EYA1: variants seen among roughly 807,000 people sequenced by gnomAD.
EYA1 encodes the protein EYA transcriptional coactivator and phosphatase 1.
In EYA1, 16 loss-of-function variants were observed where a neutral mutation model predicts 82.0. That is an observed-to-expected ratio of 0.20 (90% CI 0.13 to 0.30). The LOEUF (loss-of-function observed/expected upper bound fraction) is 0.30, where lower values mean the gene tolerates loss of function less well. Among genes scored for constraint, EYA1 ranks in the 10% least tolerant of loss-of-function variants. The pLI, the probability that EYA1 is intolerant of heterozygous loss-of-function variation, is 1.00. For synonymous variants in EYA1, 261 were observed against 264.4 expected (o/e 0.99, Z 0.12); for missense variants, 633 against 730.7 (o/e 0.87, Z 1.54).
chr8:71,496,495 C>T (rs1244418461), intron 2 of EYA1, among the ~76,000 whole-genome samples: 1 of 152,164 alleles, frequency 6.6e-6, no homozygotes. Flanking sequence ...CGTTATAGCT[C>T]TGTGTTAAAT....
chr8:71,333,969 A>G, intron 4 of EYA1, 128 bp downstream of exon 4: 1 of 705,840 alleles, frequency 1.4e-6, no homozygotes, highest in Non-Finnish European at 2.6e-6. Context: ...ATGTATATAT[A>G]CATAAGTACG....
At chr8:71,222,153 C>T (rs191061635) in intron 12 of EYA1, among the ~76,000 whole-genome samples, 39 of 152,260 alleles carry the variant, frequency 2.6e-4, no homozygotes, top group African/African-American at 9.1e-4. Context: ...CTCATGCCCC[C>T]CAGTTGAATT....
intron 2 of EYA1, among the ~76,000 whole-genome samples, chr8:71,508,919 A>G (rs975383951): frequency 6.6e-6 from 1 of 152,190 alleles, no homozygotes; most frequent in Non-Finnish European, 1.5e-5. Context: ...TATTTTTATC[A>G]TAAAAATATA....
chr8:71,225,862 A>G (rs1810496848), intron 12 of EYA1, among the ~76,000 whole-genome samples: 1 of 152,238 alleles, frequency 6.6e-6, no homozygotes, highest in African/African-American at 2.4e-5. Flanking sequence ...TATCCTTTAG[A>G]GATTATCTAA....
At chr8:71,312,084 C>T (rs1319208607) in intron 7 of EYA1, among the ~76,000 whole-genome samples, 1 of 152,144 alleles carries the variant, frequency 6.6e-6, no homozygotes, top group African/African-American at 2.4e-5. Context: ...AAAGGCTGTG[C>T]AAGTGTCAAA....
Position 71,222,531 on chromosome 8 carries a change from C to T in EYA1, c.1141-5508G>A, listed in dbSNP as rs150289028. On this transcript the variant is annotated intron_variant, in intron 12 of 17. Transcript: ENST00000340726. Reference sequence around the variant, plus strand: ...CCACATCTTGGCACTTTGTATCCCTCGTAGAGGATATTCTTCCTTCCCCCA... The same window carrying T: ...CCACATCTTGGCACTTTGTATCCCTTGTAGAGGATATTCTTCCTTCCCCCA... Among the ~76,000 whole-genome samples the T allele has an allele frequency of 7.7e-3, 1,177 of 152,276 alleles. 17 individuals carry two copies. Among genetic ancestry groups the T allele is most frequent in the African/African-American group, 0.027 (1,120 of 41,544 alleles).
chr8:71,216,317 G>T (rs1809187226), intron 14 of EYA1, among the ~76,000 whole-genome samples: 1 of 152,080 alleles, frequency 6.6e-6, no homozygotes, highest in Non-Finnish European at 1.5e-5. Flanking sequence ...AAAGTCAAAA[G>T]ATTCAAACTA....
intron 2 of EYA1, among the ~76,000 whole-genome samples, chr8:71,397,288 A>T (rs183129394): frequency 0.017 from 2,631 of 152,234 alleles, 68 homozygotes; most frequent in African/African-American, 0.059. Context: ...GCCTATTTAC[A>T]TTTAAGGTTA....
At chr8:71,369,859 C>CT (rs1827981281) in intron 2 of EYA1, among the ~76,000 whole-genome samples, 1 of 152,020 alleles carries the variant, frequency 6.6e-6, no homozygotes, top group South Asian at 2.1e-4. Flanking sequence ...TAAAGCTGGA[C>CT]TGGCTAGGGC....
intron 2 of EYA1, among the ~76,000 whole-genome samples, chr8:71,451,759 C>G (rs1419780949): frequency 6.6e-6 from 1 of 152,146 alleles, no homozygotes; most frequent in African/African-American, 2.4e-5. Flanking sequence ...CACAAGAGAT[C>G]ATTTCATCAA....
rs759981657 is a variant in EYA1, at chr8:71,244,592, T to G, written c.1140+11A>C. 13 of 1,433,542 alleles carry G rather than the reference T, an allele frequency of 9.1e-6. No individual in the cohort carries two copies. The highest frequency in any genetic ancestry group is 1.3e-5 in the Non-Finnish European group (13 of 1,023,244). The allele number at this position is 1,433,542 out of a possible 1,614,324, so 88.8% of individuals were successfully genotyped here. ...GACATGCAAAAATATGTATTAAAAATTAGAACTTACTTCTAAGTCATTAAA... is the reference window on the plus strand; with the variant it reads ...GACATGCAAAAATATGTATTAAAAAGTAGAACTTACTTCTAAGTCATTAAA... On this transcript the variant is annotated intron_variant, in intron 12 of 17. Transcript: ENST00000340726.
intron 9 of EYA1, among the ~76,000 whole-genome samples, chr8:71,279,567 A>G (rs938938649): frequency 6.6e-6 from 1 of 152,228 alleles, no homozygotes. Flanking sequence ...ATTTTTGGTT[A>G]TGATTTTGAA....
At chr8:71,225,193 C>T (rs1346855249) in intron 12 of EYA1, 6 of 455,832 alleles carry the variant, frequency 1.3e-5, no homozygotes, top group African/African-American at 4.0e-5. Context: ...TCTAAGGGCA[C>T]GTCCAAGCCC....
intron 2 of EYA1, among the ~76,000 whole-genome samples, chr8:71,509,475 G>A (rs1254116101): frequency 6.6e-6 from 1 of 152,046 alleles, no homozygotes; most frequent in Non-Finnish European, 1.5e-5. Flanking sequence ...TGCTTAAGTA[G>A]GAAGTAAGCT....
At chr8:71,546,511 A>C (rs778311680) in intron 1 of EYA1, among the ~76,000 whole-genome samples, 2 of 138,534 alleles carry the variant, frequency 1.4e-5, no homozygotes, top group African/African-American at 5.3e-5. Flanking sequence ...ACTGATTCTT[A>C]TTTTTTTTTT....
At chr8:71,317,369 A>G (rs1822039393) in intron 7 of EYA1, among the ~76,000 whole-genome samples, 183 bp downstream of exon 7, 1 of 152,204 alleles carries the variant, frequency 6.6e-6, no homozygotes, top group Non-Finnish European at 1.5e-5. Flanking sequence ...TGATGTTATA[A>G]ATATGGAAAT....
At chr8:71,349,856 T>C (rs1348104600) in intron 3 of EYA1, among the ~76,000 whole-genome samples, 1 of 152,162 alleles carries the variant, frequency 6.6e-6, no homozygotes, top group Non-Finnish European at 1.5e-5. Flanking sequence ...TAGAGAATGG[T>C]CATCACAGTG....
At chr8:71,320,821 C>T (rs1271453307) in intron 6 of EYA1, among the ~76,000 whole-genome samples, 2 of 151,772 alleles carry the variant, frequency 1.3e-5, no homozygotes, top group Non-Finnish European at 2.9e-5. Context: ...AAGAATACTA[C>T]AAAACAGTAT....
chr8:71,209,149 C>T (rs1263621931), intron 17 of EYA1, among the ~76,000 whole-genome samples: 2 of 152,210 alleles, frequency 1.3e-5, no homozygotes, highest in Admixed American at 1.3e-4. Flanking sequence ...CTGCTGGCCA[C>T]TAGGAGGGTC....
Sources: gnomAD v4.1 joint callset for allele counts (sites outside exome capture counted in the v4.1 genomes callset) on GRCh38, gnomAD v4.1.1 for gene constraint, MANE v1.5 for transcripts, NCBI Gene and HGNC (gene_info 2026-07-23, HGNC 2026-07-21) for gene names.